Variants in TNK2 observed in about 807,000 individuals in gnomAD.
The protein encoded by TNK2 is tyrosine kinase non receptor 2.
Under a neutral mutation model 101.8 loss-of-function variants are expected in TNK2, and 83 were observed. That is an observed-to-expected ratio of 0.82 (90% CI 0.68 to 0.98). The LOEUF is 0.98. Among genes scored for constraint, TNK2 ranks in the 50% least tolerant of loss-of-function variants. TNK2 has a pLI of 0.00. For missense variants in TNK2, 1,665 were observed against 1,483.2 expected, an observed-to-expected ratio of 1.12 and a Z score of -2.01; for synonymous variants, 804 against 633.0, an observed-to-expected ratio of 1.27 and a Z score of -4.06.
chr3:195,901,836 G>A (rs1328525112), intron 1 of TNK2, among the ~76,000 whole-genome samples: 1 of 152,202 alleles, frequency 6.6e-6, no homozygotes, highest in African/African-American at 2.4e-5. Context: ...ATTCACGACT[G>A]TACTGCTTGG....
intron 1 of TNK2, chr3:195,896,248 C>T (rs1312006100): frequency 5.1e-6 from 2 of 390,466 alleles, no homozygotes; most frequent in Non-Finnish European, 1.0e-5. Flanking sequence ...CTGAAGCAGC[C>T]ACTGACTCTT....
In TNK2 at chr3:195,888,446, T is replaced by C; in HGVS notation, c.143A>G (p.Lys48Arg). The C allele has an allele frequency of 6.2e-7, 1 of 1,613,752 alleles. No homozygotes were observed. The highest frequency in any genetic ancestry group is 8.5e-7 in the Non-Finnish European group (1 of 1,179,778). ...FEYVKNEDLE[K>R]IGMGRPGQRR... ...CCTACCAGGCCGACCCATGCCGATCTTCTCCAGGTCCTCATTCTTGACGTA... is the reference window on the plus strand; with the variant it reads ...CCTACCAGGCCGACCCATGCCGATCCTCTCCAGGTCCTCATTCTTGACGTA... The change falls in exon 2 of 16, where the codon AAG becomes AGG. Residue 48 changes from lysine (K) to arginine (R), a missense_variant. Physicochemically the swap from Lys to Arg is conservative, Grantham distance 26. Around this residue, in one of 3 missense-constraint regions of TNK2, gnomAD observed 490 missense variants for 522.5 expected, o/e 0.94. Coordinates refer to ENST00000672887, the MANE Select transcript of TNK2 (RefSeq NM_001382273.1). This position sits in a 1 kb window ranked among gnomAD's most constrained non-coding sequence, Gnocchi z 5.3.
chr3:195,868,045 C>A lies in TNK2; in HGVS notation c.2253G>T (p.Lys751Asn). Residue 751 changes from lysine to asparagine, a missense_variant, in exon 13 of 16, where the codon AAG becomes AAT. By Grantham distance (94) the Lys-to-Asn change is moderately conservative (BLOSUM62 0). Transcript: ENST00000672887. Reference protein sequence around the residue: ...APSPSPGGDDKPQVPPRVPIP... With the variant: ...APSPSPGGDDNPQVPPRVPIP... ...TGGGTACCCGAGGAGGCACCTGGGGCTTGTCGTCACCCCCCGGGCTGGGAG... is the reference window on the plus strand; with the variant it reads ...TGGGTACCCGAGGAGGCACCTGGGGATTGTCGTCACCCCCCGGGCTGGGAG... 1 of 1,596,858 alleles carries A rather than the reference C, an allele frequency of 6.3e-7. No individual in the cohort carries two copies. Among genetic ancestry groups the A allele is most frequent in the Non-Finnish European group, 8.5e-7 (1 of 1,174,912 alleles).
At chr3:195,880,921 A>T (rs549220229) in intron 6 of TNK2, among the ~76,000 whole-genome samples, 1 of 20,404 alleles carries the variant, frequency 4.9e-5, no homozygotes, top group African/African-American at 3.6e-4. Context: ...TATCCCTGTA[A>T]CACCCCCCCA....
intron 1 of TNK2, chr3:195,891,957 C>G: frequency 1.0e-6 from 1 of 993,120 alleles, no homozygotes; most frequent in Non-Finnish European, 1.2e-6. Context: ...AGCAACAGCG[C>G]AGCTCTGCAC....
chr3:195,891,500 C>A (rs1167760913), intron 1 of TNK2, among the ~76,000 whole-genome samples: 1 of 152,248 alleles, frequency 6.6e-6, no homozygotes, highest in South Asian at 2.1e-4. Context: ...TCAACAAAAT[C>A]ATCTGTTTAC....
chr3:195,904,177 G>A (rs1761502702), intron 1 of TNK2, among the ~76,000 whole-genome samples: 1 of 151,284 alleles, frequency 6.6e-6, no homozygotes, highest in Admixed American at 6.6e-5. Flanking sequence ...ACGATCACCT[G>A]AGCCCAGGAA....
intron 12 of TNK2, 32 bp downstream of exon 12, chr3:195,869,465 G>A (rs1743342725): frequency 1.3e-6 from 2 of 1,549,218 alleles, no homozygotes; most frequent in South Asian, 1.2e-5. Context: ...GGCGGGGGCG[G>A]GGGCCAAGGC....
At position 195,898,845 on chromosome 3, in the gene TNK2, A is replaced by G. The variant is rs1276059326; in HGVS notation, c.-19+9640T>C. Among the ~76,000 whole-genome samples the G allele has an allele frequency of 3.3e-5, 5 of 152,176 alleles. No homozygotes were observed. The East Asian group carries it at 9.6e-4, about 29-fold the overall frequency. ...CCCGGTGGCTCACGTCTGTAATCCC[A>G]GCACTTTGGGAGGCCAAGGCAGGCG... On this transcript the variant is annotated intron_variant, in intron 1 of 15. Transcript: ENST00000672887.
intron 12 of TNK2, chr3:195,869,131 A>G (rs756737774): frequency 5.1e-5 from 26 of 506,820 alleles, no homozygotes; most frequent in Non-Finnish European, 6.8e-5. Context: ...TATAAGGACT[A>G]TCCTTGGAGA....
At chr3:195,869,335 G>C (rs982908058) in intron 12 of TNK2, 162 bp downstream of exon 12, 10 of 749,732 alleles carry the variant, frequency 1.3e-5, no homozygotes, top group South Asian at 6.7e-5. Flanking sequence ...GCGGGCTCGA[G>C]GGGGGGCAGG....
intron 10 of TNK2, among the ~76,000 whole-genome samples, chr3:195,871,853 T>C (rs1263381236): frequency 6.6e-6 from 1 of 152,000 alleles, no homozygotes; most frequent in Non-Finnish European, 1.5e-5. Flanking sequence ...AGTTAGGAGA[T>C]CGGCCCCCCA....
chr3:195,886,911 A>G lies in TNK2; in HGVS notation c.234+66T>C. The G allele has an allele frequency of 6.4e-7, 1 of 1,569,256 alleles. No homozygotes were observed. The highest frequency in any genetic ancestry group is 8.8e-7 in the Non-Finnish European group (1 of 1,139,102). ...CGGGGAGCTGGGGAAGGTTCCCAGGACCAGAAGCGGAGGGGGGCGTTCGAG... is the reference window on the plus strand; with the variant it reads ...CGGGGAGCTGGGGAAGGTTCCCAGGGCCAGAAGCGGAGGGGGGCGTTCGAG... On this transcript the variant is annotated intron_variant, in intron 3 of 15. Transcript: ENST00000672887. The surrounding 1 kb of genome is among the most constrained non-coding windows in gnomAD (Gnocchi z 4.2).
intron 9 of TNK2, 85 bp from the exon 10 acceptor site, chr3:195,872,555 G>A (rs1577018479): frequency 7.3e-7 from 1 of 1,378,188 alleles, no homozygotes. Flanking sequence ...TGGCCACTGT[G>A]GCAGAAGGGG....
At position 195,870,096 on chromosome 3, in the gene TNK2, G is replaced by A. The variant is rs1254576994; in HGVS notation, c.1543+18C>T. 5 of 1,451,550 alleles carry A rather than the reference G, an allele frequency of 3.4e-6. No individual in the cohort carries two copies. The highest frequency in any genetic ancestry group is 2.5e-5 in the East Asian group (1 of 39,876). 89.9% of individuals were successfully genotyped at this position (1,451,550 alleles called of 1,614,324 possible). On this transcript the variant is annotated intron_variant, in intron 11 of 15. Transcript: ENST00000672887. ...TAGCCGATGAGTTAGGGACACCAGGGAGCAGAGGGGCTCTTACTTTTCACC... is the reference window on the plus strand; with the variant it reads ...TAGCCGATGAGTTAGGGACACCAGGAAGCAGAGGGGCTCTTACTTTTCACC...
At chr3:195,904,387 A>G (rs997432150) in intron 1 of TNK2, among the ~76,000 whole-genome samples, 1 of 152,226 alleles carries the variant, frequency 6.6e-6, no homozygotes, top group African/African-American at 2.4e-5. Flanking sequence ...GCTGCAATGT[A>G]AATGAACCTT....
intron 9 of TNK2, 103 bp from the exon 10 acceptor site, chr3:195,872,573 C>T: frequency 8.2e-7 from 1 of 1,217,056 alleles, no homozygotes; most frequent in Non-Finnish European, 1.1e-6. Flanking sequence ...GGGGATGGAG[C>T]TCAGGCCTCA....
chr3:195,868,369 C>T lies in TNK2; in HGVS notation c.1929G>A (p.Pro643=), dbSNP rs749657249. Residue 643 remains proline, a synonymous_variant, in exon 13 of 16, where the codon CCG becomes CCA. Coordinates refer to ENST00000672887, the MANE Select transcript of TNK2 (RefSeq NM_001382273.1). ...PTPVVDWDAR[P]LPPPPAYDDV... Reference sequence around the variant, plus strand: ...CGTCATAGGCGGGCGGGGGGGGCAGCGGGCGTGCGTCCCAGTCCACCACAG... The same window carrying T: ...CGTCATAGGCGGGCGGGGGGGGCAGTGGGCGTGCGTCCCAGTCCACCACAG... 3.1e-5 allele frequency: 49 copies of T among 1,593,536 alleles called. No homozygotes were observed. Among genetic ancestry groups the T allele is most frequent in the East Asian group, 2.2e-4 (10 of 44,682 alleles).
In TNK2 at chr3:195,868,269, C is replaced by A; in HGVS notation, c.2029G>T (p.Gly677Trp). Residue 677 changes from glycine to tryptophan, a missense_variant, in exon 13 of 16, where the codon GGG (glycine) becomes TGG (tryptophan). Around this residue, in one of 3 missense-constraint regions of TNK2, gnomAD observed 1,136 missense variants for 894.9 expected, o/e 1.27. Transcript: ENST00000672887. Reference protein sequence around the residue: ...STLVGAGVPAGPSQGQTNYAF... With the variant: ...STLVGAGVPAWPSQGQTNYAF... ...TAGTTGGTCTGGCCCTGGCTGGGCC[C>A]GGCAGGGACCCCCGCGCCCACGAGG... 2 of 1,604,250 alleles carry A rather than the reference C, an allele frequency of 1.2e-6. No homozygotes were observed. Among genetic ancestry groups the A allele is most frequent in the Non-Finnish European group, 1.7e-6 (2 of 1,179,488 alleles).
Sources: gnomAD v4.1 joint callset for allele counts (sites outside exome capture counted in the v4.1 genomes callset) on GRCh38, gnomAD v4.1.1 for gene constraint, gnomAD v4.1.1 regional missense constraint, Gnocchi (gnomAD v3.1) non-coding constraint, MANE v1.5 for transcripts, NCBI Gene and HGNC (gene_info 2026-07-23, HGNC 2026-07-21) for gene names.